SLC23A2: variants seen among roughly 807,000 people sequenced by gnomAD.
SLC23A2 encodes the protein Na(+)/L-ascorbic acid transporter 2.
A neutral mutation model predicts 73.3 loss-of-function variants in SLC23A2; 36 were observed. The ratio of observed to expected loss-of-function variants is 0.49; its 90% CI spans 0.38 to 0.65. The LOEUF is 0.65. Ranked by LOEUF, SLC23A2 falls within the 30% of genes least tolerant of loss-of-function variation. The probability of loss-of-function intolerance (pLI) is 0.00; values close to 1 mark genes in which losing one functional copy is unlikely to be tolerated. For missense variants in SLC23A2, 507 were observed against 841.6 expected, an observed-to-expected ratio of 0.60 and a Z score of 4.92; for synonymous variants, 343 against 327.3, an observed-to-expected ratio of 1.05 and a Z score of -0.52.
At chr20:4,976,832 T>C (rs1399097646) in intron 1 of SLC23A2, among the ~76,000 whole-genome samples, 1 of 151,752 alleles carries the variant, frequency 6.6e-6, no homozygotes, top group Non-Finnish European at 1.5e-5. Context: ...ATTAGCCAGG[T>C]GTGGTGGTAC....
Position 4,947,067 on chromosome 20 carries a change from C to T in SLC23A2, c.-154-14351G>A, listed in dbSNP as rs3914810. ...CTGCCCACACTGCCCACGCTGACCTCCAGAGTTCCCAGGTCTGGGCTCAAG... is the reference window on the plus strand; with the variant it reads ...CTGCCCACACTGCCCACGCTGACCTTCAGAGTTCCCAGGTCTGGGCTCAAG... On this transcript the variant is annotated intron_variant, in intron 2 of 16. Transcript: ENST00000338244. The surrounding 1 kb of genome is among the most constrained non-coding windows in gnomAD (Gnocchi z 4.4). Among the ~76,000 whole-genome samples the T allele has an allele frequency of 0.32, 48,147 of 152,062 alleles. 9,765 individuals are homozygous for T. The highest frequency in any genetic ancestry group is 0.62 in the East Asian group (3,224 of 5,166).
At chr20:4,911,338 A>C (rs1408857846) in intron 4 of SLC23A2, among the ~76,000 whole-genome samples, 1 of 152,212 alleles carries the variant, frequency 6.6e-6, no homozygotes, top group African/African-American at 2.4e-5. Flanking sequence ...GGAAAATAAT[A>C]ACAATATTGG....
intron 1 of SLC23A2, among the ~76,000 whole-genome samples, chr20:4,982,197 G>C (rs574379676): frequency 1.3e-5 from 2 of 150,980 alleles, no homozygotes; most frequent in South Asian, 4.2e-4. Flanking sequence ...GTTTCACCAT[G>C]TTGGCCAGGC....
chr20:4,882,590 G>C (rs1002924235), intron 9 of SLC23A2, among the ~76,000 whole-genome samples: 1 of 152,016 alleles, frequency 6.6e-6, no homozygotes, highest in Admixed American at 6.5e-5. Context: ...TGATGGGTTC[G>C]GGCCCATGTC....
At chr20:4,895,495 C>T (rs1420582694) in intron 6 of SLC23A2, among the ~76,000 whole-genome samples, 2 of 152,068 alleles carry the variant, frequency 1.3e-5, no homozygotes, top group African/African-American at 4.8e-5. Flanking sequence ...CAAAAACTCC[C>T]AAAAAGTATT....
Position 4,862,860 on chromosome 20 carries a change from A to T in SLC23A2, c.1404T>A (p.Ala468=). 6.2e-7 allele frequency: 1 copy of T among 1,613,734 alleles called. No individual in the cohort carries two copies. The highest frequency in any genetic ancestry group is 8.5e-7 in the Non-Finnish European group (1 of 1,179,756). ...VIQCGAALML[A]LGMIGKFSAL... ...CGCTGAACTTCCCGATCATGCCCAG[A>T]GCGAGCATGAGGGCTGCTCCGCACT... The change falls in exon 14 of 17, where the codon GCT becomes GCA. Residue 468 remains alanine, a synonymous_variant. Transcript: ENST00000338244. This position sits in a 1 kb window ranked among gnomAD's most constrained non-coding sequence, Gnocchi z 5.1.
At chr20:4,981,168 G>T (rs955389091) in intron 1 of SLC23A2, among the ~76,000 whole-genome samples, 2 of 152,162 alleles carry the variant, frequency 1.3e-5, no homozygotes, top group African/African-American at 4.8e-5. Context: ...CTCTATCTTT[G>T]CTCTCTGCAT....
At chr20:4,892,280 G>A (rs550847291) in intron 6 of SLC23A2, among the ~76,000 whole-genome samples, 9 of 151,748 alleles carry the variant, frequency 5.9e-5, no homozygotes, top group South Asian at 4.2e-4. Flanking sequence ...TCTGCCTCTC[G>A]GGTTCAAGGG....
upstream of SLC23A2, among the ~76,000 whole-genome samples, chr20:5,002,098 G>A (rs1469274818): frequency 2.6e-5 from 4 of 152,144 alleles, no homozygotes; most frequent in Non-Finnish European, 5.9e-5. Context: ...CTGGGGTGCA[G>A]CCCAAAAGTC....
chr20:4,887,007 T>C (rs1224260707), intron 6 of SLC23A2, among the ~76,000 whole-genome samples: 1 of 152,210 alleles, frequency 6.6e-6, no homozygotes, highest in Non-Finnish European at 1.5e-5. Context: ...GCACACACCA[T>C]TCTGAGCCAG....
rs1932788293 is a variant in SLC23A2, at chr20:4,931,327, A to C, written c.108+1128T>G. Among the ~76,000 whole-genome samples, 3 of 152,166 alleles carry C rather than the reference A, an allele frequency of 2.0e-5. 1 individual carries two copies. In the South Asian group the frequency reaches 6.2e-4, roughly 32 times the overall value. On this transcript the variant is annotated intron_variant, in intron 3 of 16. Transcript: ENST00000338244. ...GCCACTGCATTCCAACTCGGGTGAC[A>C]CAGTGAGACCCAGTCTTAAAAAATA...
chr20:4,853,939 G>C lies in SLC23A2; in HGVS notation c.*3033C>G, dbSNP rs2122758251. ...GACTAGAGTCACTTCCCATTATTCTGTGAAGCAGGGGTGGGGGCCCTCCAT... is the reference window on the plus strand; with the variant it reads ...GACTAGAGTCACTTCCCATTATTCTCTGAAGCAGGGGTGGGGGCCCTCCAT... On this transcript the variant is annotated 3_prime_UTR_variant, in exon 17 of 17. Coordinates refer to ENST00000338244, the MANE Select transcript of SLC23A2 (RefSeq NM_005116.6). The C allele has an allele frequency of 6.6e-6, 1 of 152,362 alleles. No individual in the cohort carries two copies. Among genetic ancestry groups the C allele is most frequent in the Non-Finnish European group, 1.5e-5 (1 of 68,038 alleles). The allele number at this position is 152,362 out of a possible 1,614,324, so 9.4% of individuals were successfully genotyped here.
intron 2 of SLC23A2, among the ~76,000 whole-genome samples, chr20:4,933,179 T>C (rs955288237): frequency 1.3e-5 from 2 of 152,176 alleles, no homozygotes; most frequent in Non-Finnish European, 2.9e-5. Context: ...TTTAAGATAC[T>C]TGTAGCTTGT....
At chr20:4,988,665 G>C (rs1449490682) in intron 1 of SLC23A2, among the ~76,000 whole-genome samples, 1 of 151,100 alleles carries the variant, frequency 6.6e-6, no homozygotes, top group African/African-American at 2.4e-5. Context: ...GAACCCAGGA[G>C]ATGGAGGTTG....
chr20:5,006,376 G>A (rs528519768), upstream of SLC23A2, among the ~76,000 whole-genome samples: 2 of 151,710 alleles, frequency 1.3e-5, no homozygotes, highest in Non-Finnish European at 2.9e-5. Context: ...GGAATTACAG[G>A]CGTGAGCCAC....
At chr20:4,886,919 G>A (rs1024589237) in intron 6 of SLC23A2, among the ~76,000 whole-genome samples, 1 of 152,162 alleles carries the variant, frequency 6.6e-6, no homozygotes, top group African/African-American at 2.4e-5. Context: ...CCTACCCACA[G>A]TGAAACAGGA....
At chr20:4,970,149 A>G (rs528541364) in intron 2 of SLC23A2, among the ~76,000 whole-genome samples, 1 of 152,256 alleles carries the variant, frequency 6.6e-6, no homozygotes, top group African/African-American at 2.4e-5. Flanking sequence ...GTACTCAACA[A>G]ATTTTTGCTG....
intron 1 of SLC23A2, among the ~76,000 whole-genome samples, chr20:4,995,925 G>A (rs1405290802): frequency 3.3e-5 from 5 of 152,116 alleles, no homozygotes; most frequent in African/African-American, 4.8e-5. Flanking sequence ...CTATACTAAC[G>A]AGAACTTAGA....
intron 8 of SLC23A2, 95 bp downstream of exon 8, chr20:4,884,658 G>C: frequency 1.3e-6 from 1 of 796,864 alleles, no homozygotes; most frequent in Non-Finnish European, 2.2e-6. Context: ...GAAAAGAAGG[G>C]CTCAGTAAAA....
Sources: gnomAD v4.1 joint callset for allele counts (sites outside exome capture counted in the v4.1 genomes callset) on GRCh38, gnomAD v4.1.1 for gene constraint, Gnocchi (gnomAD v3.1) non-coding constraint, MANE v1.5 for transcripts, NCBI Gene and HGNC (gene_info 2026-07-23, HGNC 2026-07-21) for gene names.